The following VTA1 variants were observed in gnomAD, a reference collection of about 807,000 sequenced individuals.
VTA1 encodes the protein vacuolar protein sorting-associated protein VTA1 homolog.
VTA1 carries 24 observed loss-of-function variants against 36.9 expected under a neutral mutation model. The ratio of observed to expected loss-of-function variants is 0.65; its 90% CI spans 0.47 to 0.91. The LOEUF (loss-of-function observed/expected upper bound fraction) is 0.91, where lower values mean the gene tolerates loss of function less well. Among genes scored for constraint, VTA1 ranks in the 40% least tolerant of loss-of-function variants. The pLI is 0.00. For missense variants in VTA1, 393 were observed against 377.2 expected (o/e 1.04, Z -0.35); for synonymous variants, 142 against 130.2 (o/e 1.09, Z -0.62).
chr6:142,180,550 T>C (rs1473582775), intron 4 of VTA1, among the ~76,000 whole-genome samples: 1 of 151,968 alleles, frequency 6.6e-6, no homozygotes, highest in Non-Finnish European at 1.5e-5. Flanking sequence ...GGTGGAAAGT[T>C]TGATAAAAAG....
rs981333742 is a variant in VTA1 at position 142,224,596 on chromosome 6, C to A, written c.*5953C>A. 6.6e-6 allele frequency: 1 copy of A among 152,010 alleles called. No homozygotes were observed. Among genetic ancestry groups the A allele is most frequent in the African/African-American group, 2.4e-5 (1 of 41,388 alleles). The allele number at this position is 152,010 out of a possible 1,614,324, so 9.4% of individuals were successfully genotyped here. ...CTGGTAATTCACATGAAGCTTGATGCATTGTAAGTATTCTGACCTGGTGAA... is the reference window on the plus strand; with the variant it reads ...CTGGTAATTCACATGAAGCTTGATGAATTGTAAGTATTCTGACCTGGTGAA... On this transcript the variant is annotated 3_prime_UTR_variant, in exon 8 of 8. Transcript: ENST00000367630.
intron 6 of VTA1, among the ~76,000 whole-genome samples, chr6:142,203,480 G>T (rs766252566): frequency 6.6e-6 from 1 of 151,996 alleles, no homozygotes; most frequent in African/African-American, 2.4e-5. Context: ...GTTATTCATT[G>T]ATATGACAGT....
chr6:142,177,016 C>T (rs1775138621), intron 4 of VTA1, among the ~76,000 whole-genome samples: 2 of 152,138 alleles, frequency 1.3e-5, no homozygotes, highest in Admixed American at 1.3e-4. Context: ...CCTAGAAAAC[C>T]ATGGTAAAGC....
chr6:142,181,226 C>T (rs1196407167), intron 4 of VTA1, among the ~76,000 whole-genome samples: 3 of 146,208 alleles, frequency 2.1e-5, no homozygotes, highest in Admixed American at 6.8e-5. Flanking sequence ...CTCCGCTTCC[C>T]GGGTTCATGC....
At chr6:142,189,842 C>T (rs928968189) in intron 5 of VTA1, among the ~76,000 whole-genome samples, 5 of 151,914 alleles carry the variant, frequency 3.3e-5, no homozygotes, top group Non-Finnish European at 5.9e-5. Context: ...CTGGGAGCTC[C>T]GCCTCGCAGG....
At chr6:142,156,380 C>T (rs1461827138) in intron 1 of VTA1, among the ~76,000 whole-genome samples, 1 of 152,062 alleles carries the variant, frequency 6.6e-6, no homozygotes, top group African/African-American at 2.4e-5. Flanking sequence ...CGGAGATTCC[C>T]CTAAGTGGAG....
At chr6:142,201,224 C>T (rs1314075726) in intron 6 of VTA1, among the ~76,000 whole-genome samples, 1 of 151,614 alleles carries the variant, frequency 6.6e-6, no homozygotes, top group Non-Finnish European at 1.5e-5. Context: ...TCATAGTTGC[C>T]TAATAAAAAA....
At chr6:142,188,530 G>A (rs76995829) in intron 4 of VTA1, among the ~76,000 whole-genome samples, 1 of 152,028 alleles carries the variant, frequency 6.6e-6, no homozygotes, top group Non-Finnish European at 1.5e-5. Flanking sequence ...GTAAAACCAC[G>A]TTCGCTCTGG....
In VTA1 at chr6:142,189,767, T is replaced by TC. The variant is rs75562756; in HGVS notation, c.520+233_520+234insC. ...GACTTATCTGTCTCCTGCTTTTTTT[T>TC]TTTTAATGAGACATAGTCTCGCTCT... is the stretch of plus-strand genomic sequence containing the variant. On this transcript the variant is annotated intron_variant, in intron 5 of 7. Coordinates refer to ENST00000367630, the MANE Select transcript of VTA1 (RefSeq NM_016485.5). Among the ~76,000 whole-genome samples, 3 of 152,306 alleles carry TC rather than the reference T, an allele frequency of 2.0e-5. No homozygotes were observed. In the East Asian group the frequency reaches 5.8e-4, roughly 29 times the overall value.
chr6:142,165,403 A>G (rs922902032), intron 1 of VTA1, among the ~76,000 whole-genome samples: 2 of 152,164 alleles, frequency 1.3e-5, no homozygotes, highest in Non-Finnish European at 2.9e-5. Flanking sequence ...CTAAGGAGGT[A>G]TTTTGCAATT....
intron 4 of VTA1, among the ~76,000 whole-genome samples, chr6:142,184,598 A>G (rs1456253626): frequency 6.6e-6 from 1 of 152,156 alleles, no homozygotes; most frequent in Non-Finnish European, 1.5e-5. Flanking sequence ...ATTTGCACTT[A>G]GCCTTGGAGG....
At chr6:142,168,399 A>G (rs974377956) in intron 2 of VTA1, among the ~76,000 whole-genome samples, 3 of 152,226 alleles carry the variant, frequency 2.0e-5, no homozygotes, top group Non-Finnish European at 2.9e-5. Flanking sequence ...TGATTTTATG[A>G]AAAATCCTGG....
chr6:142,195,378 T>G (rs923504867), intron 5 of VTA1, among the ~76,000 whole-genome samples: 1 of 152,004 alleles, frequency 6.6e-6, no homozygotes, highest in Non-Finnish European at 1.5e-5. Context: ...TATTTTCTTA[T>G]TGTCTTCACT....
chr6:142,206,020 T>C (rs1254494116), intron 7 of VTA1, among the ~76,000 whole-genome samples: 1 of 151,948 alleles, frequency 6.6e-6, no homozygotes, highest in African/African-American at 2.4e-5. Flanking sequence ...AATATAAATA[T>C]CAACACTGAC....
chr6:142,202,951 CAATT>C (rs933502333), intron 6 of VTA1, among the ~76,000 whole-genome samples: 3 of 151,820 alleles, frequency 2.0e-5, no homozygotes, highest in Non-Finnish European at 2.9e-5. Flanking sequence ...TCCTGGAAAA[CAATT>C]AAGTGAGGTA....
intron 7 of VTA1, among the ~76,000 whole-genome samples, chr6:142,210,757 G>A (rs1330424861): frequency 1.3e-5 from 2 of 152,124 alleles, no homozygotes; most frequent in African/African-American, 4.8e-5. Context: ...CAGTGCAGAG[G>A]TTTCTCAAAT....
chr6:142,182,088 C>T (rs1402169969), intron 4 of VTA1, among the ~76,000 whole-genome samples: 1 of 152,124 alleles, frequency 6.6e-6, no homozygotes, highest in Non-Finnish European at 1.5e-5. Flanking sequence ...TGTGATGTTG[C>T]CACAAAGTTA....
intron 4 of VTA1, 73 bp downstream of exon 4, chr6:142,170,494 ATTGT>A (rs1275322189): frequency 4.7e-6 from 5 of 1,061,840 alleles, no homozygotes; most frequent in Non-Finnish European, 5.4e-6. Flanking sequence ...TTGTTATTGC[ATTGT>A]TTATTTACAG....
At chr6:142,169,919 A>AT (rs1336213808) in intron 3 of VTA1, among the ~76,000 whole-genome samples, 4 of 152,046 alleles carry the variant, frequency 2.6e-5, no homozygotes, top group Non-Finnish European at 4.4e-5. Context: ...CTACTTAGCT[A>AT]TTTTTTAACA....
Sources: allele counts gnomAD v4.1 joint callset (sites outside exome capture counted in the v4.1 genomes callset), GRCh38; gene constraint gnomAD v4.1.1; transcripts MANE v1.5; gene names NCBI Gene and HGNC (gene_info 2026-07-23, HGNC 2026-07-21).